CYREN: variants seen among roughly 807,000 people sequenced by gnomAD.
The protein encoded by CYREN is cell cycle regulator of NHEJ.
In CYREN, 7 loss-of-function variants were observed where a neutral mutation model predicts 9.7. The observed-to-expected ratio is 0.72, with a 90% CI of 0.41 to 1.36. The LOEUF (loss-of-function observed/expected upper bound fraction) is 1.36, where lower values mean the gene tolerates loss of function less well. Among genes scored for constraint, CYREN ranks in the 40% most tolerant of loss-of-function variants. CYREN has a pLI of 0.01. For synonymous variants in CYREN, 76 were observed against 77.9 expected, an observed-to-expected ratio of 0.98 and a Z score of 0.13; for missense variants, 215 against 198.1, an observed-to-expected ratio of 1.09 and a Z score of -0.51.
chr7:135,158,487 C>T (rs990731953), intron 2 of CYREN, among the ~76,000 whole-genome samples: 5 of 152,066 alleles, frequency 3.3e-5, no homozygotes, highest in Non-Finnish European at 7.4e-5. Context: ...AGGATGGCCA[C>T]ATCTCGGTCT....
At chr7:135,119,615 T>C (rs62479723) in intron 2 of CYREN, among the ~76,000 whole-genome samples, 66,287 of 150,678 alleles carry the variant, frequency 0.44, 15,214 homozygotes, top group East Asian at 0.78. Flanking sequence ...CAGTGGCTCA[T>C]GCCTGTAATC....
chr7:135,116,806 T>C (rs1826383488), intron 2 of CYREN, among the ~76,000 whole-genome samples: 1 of 152,190 alleles, frequency 6.6e-6, no homozygotes, highest in South Asian at 2.1e-4. Context: ...CAGTGGTTAT[T>C]GCCTAACATT....
intron 2 of CYREN, among the ~76,000 whole-genome samples, chr7:135,096,792 A>AAAGAAAGG (rs1458228094): frequency 4.0e-5 from 6 of 151,734 alleles, no homozygotes; most frequent in South Asian, 4.2e-4. Context: ...AGAAAGAAAG[A>AAAGAAAGG]AAAAGGGAAG....
chr7:135,163,062 C>T (rs946057644), downstream of CYREN, among the ~76,000 whole-genome samples: 2 of 152,186 alleles, frequency 1.3e-5, no homozygotes, highest in South Asian at 2.1e-4. Flanking sequence ...ATTCCAAACA[C>T]GATTCACACA....
chr7:135,128,379 T>C (rs1828251375), intron 2 of CYREN: 1 of 518,994 alleles, frequency 1.9e-6, no homozygotes, highest in African/African-American at 2.0e-5. Flanking sequence ...GGTGGGAGTG[T>C]AGCAGTGAGG....
chr7:135,152,229 G>C (rs945283663), intron 2 of CYREN, among the ~76,000 whole-genome samples: 1 of 152,224 alleles, frequency 6.6e-6, no homozygotes, highest in Non-Finnish European at 1.5e-5. Context: ...GCAGAGTCTT[G>C]AACCCAGAAG....
chr7:135,125,441 CA>C (rs777993621), intron 2 of CYREN, among the ~76,000 whole-genome samples: 2 of 152,114 alleles, frequency 1.3e-5, no homozygotes, highest in Non-Finnish European at 2.9e-5. Context: ...CAGACGGATT[CA>C]CGGCTGAATT....
Position 135,168,964 on chromosome 7 carries a change from A to AT in CYREN, c.-43dup, listed in dbSNP as rs769415605. Reference sequence around the variant, plus strand: ...AAAGAAGAGTCAGGGCCCAAGCTTAATGACCTGTTTTTTAATTCAGGAAGG... The same window carrying AT: ...AAAGAAGAGTCAGGGCCCAAGCTTAATTGACCTGTTTTTTAATTCAGGAAGG... On this transcript the variant is annotated 5_prime_UTR_variant, in exon 2 of 4. Coordinates refer to ENST00000393114, the MANE Select transcript of CYREN (RefSeq NM_024033.4). The AT allele has an allele frequency of 1.3e-6, 2 of 1,503,246 alleles. No homozygotes were observed. Among genetic ancestry groups the AT allele is most frequent in the Non-Finnish European group, 1.8e-6 (2 of 1,124,056 alleles). The allele number at this position is 1,503,246 out of a possible 1,614,324, so 93.1% of individuals were successfully genotyped here.
At chr7:135,105,934 A>G (rs535657748) in intron 2 of CYREN, among the ~76,000 whole-genome samples, 2 of 151,986 alleles carry the variant, frequency 1.3e-5, no homozygotes, top group Non-Finnish European at 2.9e-5. Flanking sequence ...TGTAATTTTC[A>G]TTGTAGAGAT....
At chr7:135,120,230 T>G (rs1826949042) in intron 2 of CYREN, among the ~76,000 whole-genome samples, 2 of 152,156 alleles carry the variant, frequency 1.3e-5, no homozygotes. Flanking sequence ...TAAATATAAA[T>G]TTTTCTAAAT....
chr7:135,130,977 T>G (rs1828674937), intron 2 of CYREN, among the ~76,000 whole-genome samples: 1 of 152,156 alleles, frequency 6.6e-6, no homozygotes, highest in Non-Finnish European at 1.5e-5. Context: ...GAACATATTG[T>G]TTTTTTCCTA....
At chr7:135,134,730 A>T in intron 2 of CYREN, 1 of 999,976 alleles carries the variant, frequency 1.0e-6, no homozygotes, top group Non-Finnish European at 1.4e-6. Flanking sequence ...AACTTTAAGA[A>T]GTTATGAACT....
At chr7:135,148,213 C>T in intron 2 of CYREN, 1 of 419,756 alleles carries the variant, frequency 2.4e-6, no homozygotes, top group South Asian at 1.7e-5. Flanking sequence ...AACAACCAAC[C>T]CTGATTTCCT....
intron 2 of CYREN, among the ~76,000 whole-genome samples, chr7:135,118,826 T>G (rs548535299): frequency 6.6e-6 from 1 of 152,094 alleles, no homozygotes; most frequent in Admixed American, 6.5e-5. Context: ...AAAAAAATAT[T>G]AAGAACCAAA....
chr7:135,168,988 G>T lies in CYREN; in HGVS notation c.-66C>A. ...AATGACCTGTTTTTTAATTCAGGAA[G>T]GTAAATCTCGTTCTCTCGTCACACC... On this transcript the variant is annotated 5_prime_UTR_variant, in exon 2 of 4. Transcript: ENST00000393114. 6.9e-7 allele frequency: 1 copy of T among 1,444,048 alleles called. No individual in the cohort carries two copies. Among genetic ancestry groups the T allele is most frequent in the Non-Finnish European group, 9.3e-7 (1 of 1,079,246 alleles). The allele number at this position is 1,444,048 out of a possible 1,614,324, so 89.5% of individuals were successfully genotyped here. A position where few individuals can be genotyped will look rare whatever the true frequency, so the allele number is the denominator to read the frequency against.
chr7:135,149,636 C>G (rs189417638), intron 2 of CYREN, among the ~76,000 whole-genome samples: 2 of 152,182 alleles, frequency 1.3e-5, no homozygotes, highest in Non-Finnish European at 2.9e-5. Context: ...TGTTCACATC[C>G]ACCATCATTG....
At chr7:135,164,379 C>T, downstream of CYREN, 6 of 1,486,196 alleles carry the variant, frequency 4.0e-6, no homozygotes, top group Non-Finnish European at 5.5e-6. Context: ...AGGGAACAAG[C>T]AAGGGAGAGA....
At chr7:135,114,879 G>C (rs748832508) in intron 2 of CYREN, among the ~76,000 whole-genome samples, 1 of 152,122 alleles carries the variant, frequency 6.6e-6, no homozygotes, top group Non-Finnish European at 1.5e-5. Context: ...AAAAATCAAA[G>C]TCCTTCTACT....
intron 2 of CYREN, among the ~76,000 whole-genome samples, chr7:135,096,554 A>AGATAGAT (rs1563259836): frequency 2.6e-4 from 6 of 22,662 alleles, no homozygotes; most frequent in Middle Eastern, 0.026. Context: ...GAAAGAAAGA[A>AGATAGAT]AGAAAGATAG....
Sources: allele counts gnomAD v4.1 joint callset (sites outside exome capture counted in the v4.1 genomes callset), GRCh38; gene constraint gnomAD v4.1.1; transcripts MANE v1.5; gene names NCBI Gene and HGNC (gene_info 2026-07-23, HGNC 2026-07-21).